SGCZ: variants seen among roughly 807,000 people sequenced by gnomAD.
SGCZ encodes the protein sarcoglycan zeta.
SGCZ carries 40 observed loss-of-function variants against 41.3 expected under a neutral mutation model. That is an observed-to-expected ratio of 0.97 (90% confidence interval 0.75 to 1.26). The LOEUF is 1.26. SGCZ is among the 50% of genes most tolerant of loss of function. The probability of loss-of-function intolerance (pLI) is 0.00; values close to 1 mark genes in which losing one functional copy is unlikely to be tolerated. For synonymous variants in SGCZ, 206 were observed against 137.5 expected (o/e 1.50, Z -3.49); for missense variants, 552 against 369.8 (o/e 1.49, Z -4.04).
intron 1 of SGCZ, among the ~76,000 whole-genome samples, chr8:15,064,696 C>T (rs1380497243): frequency 1.3e-5 from 2 of 152,134 alleles, no homozygotes; most frequent in African/African-American, 2.4e-5. Flanking sequence ...TTGCTGTTCT[C>T]ACACATTGTT....
Position 14,241,692 on chromosome 8 carries a change from CT to C in SGCZ, c.337-4014del, listed in dbSNP as rs145093658. On this transcript the variant is annotated intron_variant, in intron 3 of 7. Transcript: ENST00000382080. Reference sequence around the variant, plus strand: ...TAGCTCTAGAGGACATATCCGCCTTCTTATGTCACTCTTTAGACAAAGCAGA... The same window carrying C: ...TAGCTCTAGAGGACATATCCGCCTTCTATGTCACTCTTTAGACAAAGCAGA... 2.0e-3 allele frequency among the ~76,000 whole-genome samples: 310 copies of C among 152,106 alleles called. 2 individuals carry two copies. Among genetic ancestry groups the C allele is most frequent in the African/African-American group, 7.0e-3 (291 of 41,542 alleles).
At chr8:14,969,723 C>G (rs989377910) in intron 1 of SGCZ, among the ~76,000 whole-genome samples, 1 of 151,988 alleles carries the variant, frequency 6.6e-6, no homozygotes, top group Non-Finnish European at 1.5e-5. Flanking sequence ...TAATTGTTCA[C>G]TCTTTTCTAT....
intron 1 of SGCZ, among the ~76,000 whole-genome samples, chr8:14,732,764 A>G (rs978869882): frequency 6.6e-6 from 1 of 152,110 alleles, no homozygotes; most frequent in Non-Finnish European, 1.5e-5. Flanking sequence ...AGTGATAGAG[A>G]AGTATTTTAT....
chr8:15,087,828 C>G, intron 1 of SGCZ, among the ~76,000 whole-genome samples: 1 of 152,064 alleles, frequency 6.6e-6, no homozygotes, highest in East Asian at 1.9e-4. Context: ...AATAAGCTAT[C>G]ATAATCTAAA....
intron 1 of SGCZ, among the ~76,000 whole-genome samples, chr8:14,567,686 T>C (rs1285146424): frequency 1.3e-5 from 2 of 152,174 alleles, no homozygotes; most frequent in Admixed American, 6.5e-5. Flanking sequence ...GTCTTGATAC[T>C]GCTCACTCTT....
At chr8:14,175,427 T>A (rs985185135) in intron 4 of SGCZ, among the ~76,000 whole-genome samples, 3 of 152,070 alleles carry the variant, frequency 2.0e-5, no homozygotes, top group African/African-American at 7.2e-5. Context: ...TGTCGTAGTT[T>A]GAGAAATATA....
At position 14,876,537 on chromosome 8, in the gene SGCZ, C is replaced by A. The variant is rs114621964; in HGVS notation, c.40-321611G>T. Among the ~76,000 whole-genome samples, 523 of 152,208 alleles carry A rather than the reference C, an allele frequency of 3.4e-3. 3 individuals are homozygous for A. The highest frequency in any genetic ancestry group is 0.01 in the Middle Eastern group (3 of 294). ...TGAAATCAACAACTCTGTGACTATA[C>A]TAAAAACAACTGAACCGTACACTTT... On this transcript the variant is annotated intron_variant, in intron 1 of 7. Coordinates refer to ENST00000382080, the MANE Select transcript of SGCZ (RefSeq NM_139167.4).
Position 14,315,843 on chromosome 8 carries a change from TA to T in SGCZ, c.336+8259del, listed in dbSNP as rs143540826. On this transcript the variant is annotated intron_variant, in intron 3 of 7. Coordinates refer to ENST00000382080, the MANE Select transcript of SGCZ (RefSeq NM_139167.4). ...AAACTAAAACTGGTTCTAAGTAAAA[TA>T]AAAAAAAATATAGTAGGAAAACAAA... is the stretch of plus-strand genomic sequence containing the variant. Among the ~76,000 whole-genome samples the T allele has an allele frequency of 1.9e-3, 278 of 148,368 alleles. 1 individual carries two copies. The highest frequency in any genetic ancestry group is 3.9e-3 in the Admixed American group (58 of 14,876).
chr8:14,377,564 A>C (rs1804180442), intron 2 of SGCZ, among the ~76,000 whole-genome samples: 1 of 151,146 alleles, frequency 6.6e-6, no homozygotes, highest in African/African-American at 2.4e-5. Flanking sequence ...GTTTTAGGGT[A>C]CATGTGCACA....
At chr8:14,360,072 C>A (rs550388631) in intron 2 of SGCZ, among the ~76,000 whole-genome samples, 1 of 152,108 alleles carries the variant, frequency 6.6e-6, no homozygotes, top group South Asian at 2.1e-4. Context: ...ACTTTCTTGA[C>A]AAAAACACTC....
rs189379791 is a variant in SGCZ, at chr8:14,964,881, T to G, written c.39+272704A>C. On this transcript the variant is annotated intron_variant, in intron 1 of 7. Transcript: ENST00000382080. ...GAAGCTATGCAGGTTATGTGGGCGC[T>G]TCTACTGGACATCATTTAGCATCTT... 1.0e-3 allele frequency among the ~76,000 whole-genome samples: 152 copies of G among 152,196 alleles called. 1 individual carries two copies. In the East Asian group the frequency reaches 0.027, roughly 27 times the overall value.
At chr8:14,801,490 A>G (rs1801319678) in intron 1 of SGCZ, among the ~76,000 whole-genome samples, 1 of 152,158 alleles carries the variant, frequency 6.6e-6, no homozygotes. Flanking sequence ...AAATGCTTAA[A>G]CTCCTAAATA....
chr8:14,765,957 ATATGATAGTC>A (rs1800022350), intron 1 of SGCZ, among the ~76,000 whole-genome samples: 1 of 148,784 alleles, frequency 6.7e-6, no homozygotes, highest in Non-Finnish European at 1.5e-5. Flanking sequence ...CAACTCTTGC[ATATGATAGTC>A]TTTTTTTTTT....
In SGCZ at chr8:14,854,790, G is replaced by A. The variant is rs186351698; in HGVS notation, c.40-299864C>T. ...TCATAGAGAGGAAAGGAGAGAGTAGGTCAATTGGGATCAGTCTCCCAGGGC... is the reference window on the plus strand; with the variant it reads ...TCATAGAGAGGAAAGGAGAGAGTAGATCAATTGGGATCAGTCTCCCAGGGC... On this transcript the variant is annotated intron_variant, in intron 1 of 7. Coordinates refer to ENST00000382080, the MANE Select transcript of SGCZ (RefSeq NM_139167.4). 9.3e-4 allele frequency among the ~76,000 whole-genome samples: 142 copies of A among 152,028 alleles called. 1 individual carries two copies. Among genetic ancestry groups the A allele is most frequent in the African/African-American group, 3.1e-3 (130 of 41,482 alleles).
chr8:15,043,098 T>A (rs1804169289), intron 1 of SGCZ, among the ~76,000 whole-genome samples: 1 of 152,166 alleles, frequency 6.6e-6, no homozygotes, highest in South Asian at 2.1e-4. Context: ...CACAAAATGG[T>A]TTACAACAGC....
At chr8:14,740,254 C>T (rs773620990) in intron 1 of SGCZ, among the ~76,000 whole-genome samples, 7 of 151,928 alleles carry the variant, frequency 4.6e-5, no homozygotes, top group Non-Finnish European at 8.8e-5. Flanking sequence ...ACCTTTTTAA[C>T]CAAGACAGTT....
chr8:14,155,101 C>T (rs565718489), intron 5 of SGCZ, among the ~76,000 whole-genome samples: 12 of 152,312 alleles, frequency 7.9e-5, no homozygotes, highest in East Asian at 7.7e-4. Flanking sequence ...TCCAGTAACG[C>T]ACTCTGTAGA....
At chr8:14,453,991 C>T (rs1800670747) in intron 2 of SGCZ, among the ~76,000 whole-genome samples, 1 of 149,282 alleles carries the variant, frequency 6.7e-6, no homozygotes, top group African/African-American at 2.5e-5. Context: ...GACAGTGACA[C>T]AAAAAAAAAA....
chr8:14,665,188 G>A (rs1007594430), intron 1 of SGCZ, among the ~76,000 whole-genome samples: 2 of 151,998 alleles, frequency 1.3e-5, no homozygotes, highest in Non-Finnish European at 2.9e-5. Context: ...ACAGGCCCCG[G>A]TGTGTGATGT....
Sources: allele counts gnomAD v4.1 joint callset (sites outside exome capture counted in the v4.1 genomes callset), GRCh38; gene constraint gnomAD v4.1.1; transcripts MANE v1.5; gene names NCBI Gene and HGNC (gene_info 2026-07-23, HGNC 2026-07-21).